Variants in PBLD observed in about 807,000 individuals in gnomAD.
PBLD encodes the protein phenazine biosynthesis-like domain-containing protein.
A neutral mutation model predicts 31.3 loss-of-function variants in PBLD; 26 were observed. That is an observed-to-expected ratio of 0.83 (90% CI 0.61 to 1.15). PBLD has a LOEUF of 1.15. Ranked by LOEUF, PBLD falls within the 50% of genes most tolerant of loss-of-function variation. The probability of loss-of-function intolerance (pLI) is 0.00; values close to 1 mark genes in which losing one functional copy is unlikely to be tolerated. For missense variants in PBLD, 307 were observed against 351.7 expected, an observed-to-expected ratio of 0.87 and a Z score of 1.02; for synonymous variants, 114 against 129.0, an observed-to-expected ratio of 0.88 and a Z score of 0.79.
At chr10:68,323,585 G>A (rs981209908) in intron 1 of PBLD, among the ~76,000 whole-genome samples, 3 of 152,002 alleles carry the variant, frequency 2.0e-5, no homozygotes, top group Non-Finnish European at 4.4e-5. Flanking sequence ...GAGATCCTGG[G>A]CTAGAAGCAT....
chr10:68,305,317 TG>T (rs1387518368), intron 2 of PBLD, among the ~76,000 whole-genome samples: 3 of 150,734 alleles, frequency 2.0e-5, no homozygotes, highest in Non-Finnish European at 4.4e-5. Flanking sequence ...CTCGCTGTGT[TG>T]GCCAGGTTGG....
intron 2 of PBLD, among the ~76,000 whole-genome samples, chr10:68,300,642 G>GA (rs61179903): frequency 0.79 from 118,951 of 151,234 alleles, 47,395 homozygotes; most frequent in Non-Finnish European, 0.86. Context: ...ATAAGCCATG[G>GA]TTGTGTTCAA....
At chr10:68,319,075 G>GA (rs1461356785) in intron 1 of PBLD, among the ~76,000 whole-genome samples, 1 of 120,592 alleles carries the variant, frequency 8.3e-6, no homozygotes, top group African/African-American at 3.6e-5. Flanking sequence ...AAGAAAGAAA[G>GA]AAAGAAAGAA....
In PBLD at chr10:68,296,924, A is replaced by G; in HGVS notation, c.146T>C (p.Phe49Ser). The stretch of plus-strand genomic sequence containing the variant: ...GTCTGTCGGGTGCAGTTTTCGGATA[A>G]AAGCAGTTTCAGAGAGGTTCATCTC... ...AREMNLSETA[F>S]IRKLHPTDNF... The change falls in exon 3 of 10, where the codon TTT becomes TCT. Residue 49 changes from phenylalanine (F) to serine (S), a missense_variant. Phe to Ser is a radical substitution (Grantham distance 155). Transcript: ENST00000358769. The G allele has an allele frequency of 6.2e-7, 1 of 1,614,096 alleles. No homozygotes were observed. The highest frequency in any genetic ancestry group is 1.6e-4 in the Middle Eastern group (1 of 6,062).
intron 1 of PBLD, among the ~76,000 whole-genome samples, chr10:68,318,854 C>G (rs73273195): frequency 3.6e-4 from 54 of 151,704 alleles, no homozygotes; most frequent in African/African-American, 1.2e-3. Context: ...CAGCTTGAGT[C>G]CAGAAGTTCA....
In PBLD at chr10:68,306,753, G is replaced by A. The variant is rs1564732316; in HGVS notation, c.84+8C>T. On this transcript the variant is annotated splice_region_variant and intron_variant, in intron 2 of 9. Coordinates refer to ENST00000358769, the MANE Select transcript of PBLD (RefSeq NM_022129.4). ...TTCAGGTACTGTAATTCAAAACCAA[G>A]CACTTACATTTTCTAGGAGGCAAAC... The A allele has an allele frequency of 6.2e-7, 1 of 1,609,950 alleles. No homozygotes were observed. Among genetic ancestry groups the A allele is most frequent in the Admixed American group, 1.7e-5 (1 of 59,910 alleles).
intron 1 of PBLD, among the ~76,000 whole-genome samples, chr10:68,326,550 A>T (rs541195809): frequency 1.3e-5 from 2 of 152,332 alleles, no homozygotes; most frequent in South Asian, 2.1e-4. Context: ...CTGGCTCCCA[A>T]TGTAGCTCTT....
At chr10:68,324,336 C>T (rs763917603) in intron 1 of PBLD, among the ~76,000 whole-genome samples, 11 of 151,938 alleles carry the variant, frequency 7.2e-5, no homozygotes, top group Non-Finnish European at 1.2e-4. Context: ...GCCACCATGC[C>T]CAGCTAATTT....
At chr10:68,292,092 T>C in intron 5 of PBLD, 37 bp downstream of exon 5, 1 of 1,596,512 alleles carries the variant, frequency 6.3e-7, no homozygotes, top group East Asian at 2.2e-5. Flanking sequence ...AGCTGTCGGT[T>C]GTAGATGGCT....
intron 2 of PBLD, among the ~76,000 whole-genome samples, chr10:68,304,707 A>C (rs2044553016): frequency 6.6e-6 from 1 of 152,228 alleles, no homozygotes; most frequent in South Asian, 2.1e-4. Flanking sequence ...AATATATTCT[A>C]TTCAATATAA....
At chr10:68,318,348 G>A (rs1298151320) in intron 1 of PBLD, among the ~76,000 whole-genome samples, 1 of 141,944 alleles carries the variant, frequency 7.0e-6, no homozygotes, top group Non-Finnish European at 1.5e-5. Flanking sequence ...AACCAGTCTG[G>A]GTAACACAGC....
chr10:68,322,196 ACAT>A (rs1398493446), intron 1 of PBLD, among the ~76,000 whole-genome samples: 1 of 152,140 alleles, frequency 6.6e-6, no homozygotes, highest in Non-Finnish European at 1.5e-5. Context: ...CCTGAGAAAA[ACAT>A]CAGAAAAAAA....
intron 1 of PBLD, among the ~76,000 whole-genome samples, chr10:68,330,277 T>C (rs1029741792): frequency 2.0e-5 from 3 of 152,032 alleles, no homozygotes; most frequent in African/African-American, 7.2e-5. Context: ...AAGTTTCCAT[T>C]AAATGAAGGT....
chr10:68,288,961 A>T lies in PBLD; in HGVS notation c.482T>A (p.Leu161His), dbSNP rs750000029. 1.9e-6 allele frequency: 3 copies of T among 1,614,132 alleles called. No individual in the cohort carries two copies. The Admixed American group carries it at 5.0e-5, about 27-fold the overall frequency. ...GTAAACGTCACTGAGGCGGACGAGGAGCTTTTGGGTATCTGGAGAATAACA... is the reference window on the plus strand; with the variant it reads ...GTAAACGTCACTGAGGCGGACGAGGTGCTTTTGGGTATCTGGAGAATAACA... ...DICYSPDTQK[L>H]LVRLSDVYNR... Residue 161 changes from leucine to histidine, a missense_variant, in exon 7 of 10, where the codon CTC becomes CAC. Coordinates refer to ENST00000358769, the MANE Select transcript of PBLD (RefSeq NM_022129.4).
chr10:68,302,836 G>A (rs12769008), intron 2 of PBLD, among the ~76,000 whole-genome samples: 116,059 of 146,946 alleles, frequency 0.79, 46,345 homozygotes, highest in Non-Finnish European at 0.86. Context: ...GCAAGGTCCT[G>A]TCTCTGGAAA....
chr10:68,320,816 A>AT (rs1554860884), intron 1 of PBLD, among the ~76,000 whole-genome samples: 1 of 131,460 alleles, frequency 7.6e-6, no homozygotes, highest in African/African-American at 2.9e-5. Context: ...ATTGTGCTCA[A>AT]CCCCCTTTTT....
chr10:68,320,821 C>CT (rs201356125), intron 1 of PBLD, among the ~76,000 whole-genome samples: 30,231 of 142,656 alleles, frequency 0.21, 3,725 homozygotes, highest in East Asian at 0.34. Flanking sequence ...GCTCAACCCC[C>CT]TTTTTTTTTT....
In PBLD at chr10:68,332,920, T is replaced by A. The variant is rs137999074; in HGVS notation, c.-196A>T. The A allele has an allele frequency of 6.6e-6, 1 of 152,186 alleles. No homozygotes were observed. The highest frequency in any genetic ancestry group is 1.5e-5 in the Non-Finnish European group (1 of 68,082). The allele number at this position is 152,186 out of a possible 1,614,324, so 9.4% of individuals were successfully genotyped here. ...GACAAAGGAGGCAGACGGCCTCCTT[T>A]GTAATTCTGCCGCCCGGTGGCGAAG... On this transcript the variant is annotated 5_prime_UTR_variant, in exon 1 of 10. Transcript: ENST00000358769.
chr10:68,318,985 A>G (rs1205105067), intron 1 of PBLD, among the ~76,000 whole-genome samples: 1 of 150,750 alleles, frequency 6.6e-6, no homozygotes, highest in African/African-American at 2.4e-5. Context: ...GAAGGAAGGA[A>G]GTTAGGAAAG....
Sources: allele counts gnomAD v4.1 joint callset (sites outside exome capture counted in the v4.1 genomes callset), GRCh38; gene constraint gnomAD v4.1.1; transcripts MANE v1.5; gene names NCBI Gene and HGNC (gene_info 2026-07-23, HGNC 2026-07-21).